NHSL1: variants seen among roughly 807,000 people sequenced by gnomAD.
The protein encoded by NHSL1 is NHS like 1.
NHSL1 carries 48 observed loss-of-function variants against 95.0 expected under a neutral mutation model. The observed-to-expected ratio is 0.51, with a 90% CI of 0.40 to 0.64. The LOEUF is 0.64. Ranked by LOEUF, NHSL1 falls within the 30% of genes least tolerant of loss-of-function variation. The pLI is 0.00. For synonymous variants in NHSL1, 783 were observed against 833.9 expected (o/e 0.94, Z 1.05); for missense variants, 1,971 against 2,077.7 (o/e 0.95, Z 1.00).
chr6:138,435,963 A>G (rs1040645203), intron 5 of NHSL1, among the ~76,000 whole-genome samples: 4 of 152,176 alleles, frequency 2.6e-5, no homozygotes, highest in Admixed American at 6.5e-5. Context: ...TCACACCCAC[A>G]TAAGATAGCA....
chr6:138,470,133 T>A (rs1345239814), intron 3 of NHSL1, among the ~76,000 whole-genome samples: 2 of 152,214 alleles, frequency 1.3e-5, no homozygotes, highest in South Asian at 4.1e-4. Flanking sequence ...TGCCTTGAGA[T>A]GACATTCAGA....
At chr6:138,566,966 A>G (rs1370821724) in intron 1 of NHSL1, among the ~76,000 whole-genome samples, 1 of 152,202 alleles carries the variant, frequency 6.6e-6, no homozygotes, top group African/African-American at 2.4e-5. Context: ...TTTCCGATAT[A>G]TGTAGTAACC....
chr6:138,479,928 G>T (rs979820206), intron 2 of NHSL1, among the ~76,000 whole-genome samples: 2 of 152,100 alleles, frequency 1.3e-5, no homozygotes, highest in African/African-American at 4.8e-5. Flanking sequence ...TTAAATAGAT[G>T]GTTACTAAGT....
intron 2 of NHSL1, among the ~76,000 whole-genome samples, chr6:138,493,404 C>T (rs1047453417): frequency 6.6e-6 from 1 of 152,140 alleles, no homozygotes; most frequent in Non-Finnish European, 1.5e-5. Flanking sequence ...AGATGTACTG[C>T]ATATTCAAAA....
Position 138,429,863 on chromosome 6 carries a change from C to T in NHSL1, c.3953-20G>A. ...CCCCAGCTACAGAAGAGCAGGCAGG[C>T]ATACAAGACGCACAAGTGACTGGAA... On this transcript the variant is annotated intron_variant, in intron 6 of 7. Transcript: ENST00000343505. The T allele has an allele frequency of 6.5e-7, 1 of 1,544,960 alleles. No individual in the cohort carries two copies. Among genetic ancestry groups the T allele is most frequent in the Non-Finnish European group, 8.7e-7 (1 of 1,144,698 alleles).
In NHSL1 at chr6:138,429,839, C is replaced by A. The variant is rs761120685; in HGVS notation, c.3957G>T (p.Gly1319=). The A allele has an allele frequency of 3.2e-6, 5 of 1,550,542 alleles. No homozygotes were observed. In the Admixed American group the frequency reaches 5.9e-5, roughly 18 times the overall value. Residue 1319 remains glycine, a synonymous_variant, in exon 7 of 8, where the codon GGG becomes GGT. Transcript: ENST00000343505. ...SCLSQQDGAA[G]VPETNAAGSS... is the part of the protein sequence containing the mutation. ...AACCGGCTGCGTTGGTCTCCGGCAC[C>A]CCAGCTACAGAAGAGCAGGCAGGCA...
At chr6:138,602,717 AT>A (rs1343782049) in intron 1 of NHSL1, among the ~76,000 whole-genome samples, 1 of 152,006 alleles carries the variant, frequency 6.6e-6, no homozygotes, top group African/African-American at 2.4e-5. Context: ...GTTTCATCTA[AT>A]TTTTTTTCCC....
intron 1 of NHSL1, among the ~76,000 whole-genome samples, chr6:138,617,010 A>T (rs1354660384): frequency 6.6e-6 from 1 of 152,224 alleles, no homozygotes; most frequent in African/African-American, 2.4e-5. Flanking sequence ...GTAGCCTAAA[A>T]TGCAGTGCTA....
rs1178787896 is a variant in NHSL1 at position 138,423,155 on chromosome 6, G to T, written c.*926C>A. The T allele has an allele frequency of 2.0e-5, 3 of 150,208 alleles. No homozygotes were observed. The highest frequency in any genetic ancestry group is 4.4e-5 in the Non-Finnish European group (3 of 67,788). 9.3% of individuals were successfully genotyped at this position (150,208 alleles called of 1,614,324 possible). On this transcript the variant is annotated 3_prime_UTR_variant, in exon 8 of 8. Transcript: ENST00000343505. ...AAAGCTCCACCCATAGTTCTGTAGT[G>T]CAAGTTTTCAAATTTAATTCTGAAA...
At chr6:138,540,598 C>A (rs1185397898) in intron 1 of NHSL1, among the ~76,000 whole-genome samples, 1 of 152,198 alleles carries the variant, frequency 6.6e-6, no homozygotes, top group Non-Finnish European at 1.5e-5. Flanking sequence ...TGGAAAGAGG[C>A]CTGTGATCTG....
At position 138,433,068 on chromosome 6, in the gene NHSL1, G is replaced by A; in HGVS notation, c.1277C>T (p.Ala426Val). Residue 426 changes from alanine to valine, a missense_variant, in exon 6 of 8, where the codon GCT (alanine) becomes GTT (valine). By Grantham distance (64) the Ala-to-Val change is moderately conservative (BLOSUM62 0). Coordinates refer to ENST00000343505, the MANE Select transcript of NHSL1 (RefSeq NM_001144060.2). The part of the protein sequence containing the change: ...ATLSSSSEVI[A>V]IPTAQSAGQR... ...TCCCGCACTCTGAGCAGTGGGAATA[G>A]CGATGACCTCGGAAGAGGAAGACAG... 3 of 1,551,332 alleles carry A rather than the reference G, an allele frequency of 1.9e-6. No homozygotes were observed. The highest frequency in any genetic ancestry group is 1.2e-5 in the South Asian group (1 of 84,070).
chr6:138,691,130 G>A (rs1785661326), intron 1 of NHSL1, among the ~76,000 whole-genome samples: 2 of 152,186 alleles, frequency 1.3e-5, no homozygotes, highest in Non-Finnish European at 2.9e-5. Context: ...CTAGGACAGT[G>A]TATCCTACCA....
intron 1 of NHSL1, among the ~76,000 whole-genome samples, chr6:138,686,261 C>T (rs1341425713): frequency 6.6e-6 from 1 of 152,148 alleles, no homozygotes; most frequent in African/African-American, 2.4e-5. Context: ...GTGGCTCACA[C>T]CTGGAATCCT....
chr6:138,627,710 TG>T (rs1224715316), intron 1 of NHSL1, among the ~76,000 whole-genome samples: 6 of 151,282 alleles, frequency 4.0e-5, no homozygotes, highest in African/African-American at 1.5e-4. Context: ...GGTGAAACCC[TG>T]TCTCTACCAA....
In NHSL1 at chr6:138,431,644, A is replaced by G; in HGVS notation, c.2701T>C (p.Ser901Pro). ...SLISSVSISS[S>P]STSLSSSTST... ...GTACTAGAAGAAAGAGAAGTGGACG[A>G]TGAGGAAATGGATACTGAAGATATC... The change falls in exon 6 of 8, where the codon TCG becomes CCG. Residue 901 changes from serine to proline, a missense_variant. Ser to Pro is a moderately conservative substitution (Grantham distance 74, BLOSUM62 -1). Coordinates refer to ENST00000343505, the MANE Select transcript of NHSL1 (RefSeq NM_001144060.2). The surrounding 1 kb of genome is among the most constrained non-coding windows in gnomAD (Gnocchi z 4.0). 1 of 1,551,670 alleles carries G rather than the reference A, an allele frequency of 6.4e-7. No homozygotes were observed. Among genetic ancestry groups the G allele is most frequent in the South Asian group, 1.2e-5 (1 of 84,064 alleles).
intron 3 of NHSL1, among the ~76,000 whole-genome samples, chr6:138,460,377 G>A (rs553784813): frequency 1.4e-5 from 2 of 147,976 alleles, no homozygotes; most frequent in South Asian, 2.1e-4. Flanking sequence ...CCTCTATAAC[G>A]TGGGGTTCTG....
intron 1 of NHSL1, among the ~76,000 whole-genome samples, chr6:138,586,048 A>G (rs577288172): frequency 6.6e-6 from 1 of 151,986 alleles, no homozygotes; most frequent in South Asian, 2.1e-4. Flanking sequence ...CAAGACCCCA[A>G]CTCTAAAAAC....
At chr6:138,564,574 A>G (rs1289521161) in intron 1 of NHSL1, among the ~76,000 whole-genome samples, 1 of 152,138 alleles carries the variant, frequency 6.6e-6, no homozygotes, top group African/African-American at 2.4e-5. Flanking sequence ...CTGTGCACAA[A>G]GCACCATTTA....
At chr6:138,558,554 G>C (rs113496578) in intron 1 of NHSL1, among the ~76,000 whole-genome samples, 43 of 151,906 alleles carry the variant, frequency 2.8e-4, no homozygotes, top group African/African-American at 9.7e-4. Flanking sequence ...CTCCTGAGTA[G>C]CTGGGACTAC....
Sources: gnomAD v4.1 joint callset for allele counts (sites outside exome capture counted in the v4.1 genomes callset) on GRCh38, gnomAD v4.1.1 for gene constraint, Gnocchi (gnomAD v3.1) non-coding constraint, MANE v1.5 for transcripts, NCBI Gene and HGNC (gene_info 2026-07-23, HGNC 2026-07-21) for gene names.